SRGAP1: variants seen among roughly 807,000 people sequenced by gnomAD.
SRGAP1 encodes SLIT-ROBO Rho GTPase-activating protein 1.
A neutral mutation model predicts 121.9 loss-of-function variants in SRGAP1; 43 were observed. The observed-to-expected ratio is 0.35, with a 90% CI of 0.28 to 0.46. SRGAP1 has a LOEUF of 0.46. Ranked by LOEUF, SRGAP1 falls within the 20% of genes least tolerant of loss-of-function variation. The pLI, the probability that SRGAP1 is intolerant of heterozygous loss-of-function variation, is 1.00. For missense variants in SRGAP1, 1,102 were observed against 1,350.9 expected (o/e 0.82, Z 2.89); for synonymous variants, 447 against 485.4 (o/e 0.92, Z 1.04).
At chr12:64,138,410 G>T (rs1257179217) in intron 21 of SRGAP1, among the ~76,000 whole-genome samples, 10 of 138,658 alleles carry the variant, frequency 7.2e-5, no homozygotes, top group Non-Finnish European at 1.4e-4. Flanking sequence ...CAAATTTATT[G>T]TAACTTCCCC....
At chr12:64,051,541 A>G (rs1283499706) in intron 6 of SRGAP1, among the ~76,000 whole-genome samples, 1 of 152,192 alleles carries the variant, frequency 6.6e-6, no homozygotes. Flanking sequence ...CAGACTAATC[A>G]GTTTACATAT....
Position 64,143,191 on chromosome 12 carries a change from G to A in SRGAP1, c.*519G>A, listed in dbSNP as rs1330078003. ...GCAAAAGACTTGCAATTGTCTCCATGGGACGATCCCAGTGGGACTGTCAGC... is the reference window on the plus strand; with the variant it reads ...GCAAAAGACTTGCAATTGTCTCCATAGGACGATCCCAGTGGGACTGTCAGC... On this transcript the variant is annotated 3_prime_UTR_variant, in exon 22 of 22. Transcript: ENST00000355086. 6.4e-6 allele frequency: 1 copy of A among 157,332 alleles called. No homozygotes were observed. Among genetic ancestry groups the A allele is most frequent in the Non-Finnish European group, 1.4e-5 (1 of 70,874 alleles). The allele number at this position is 157,332 out of a possible 1,614,324, so 9.7% of individuals were successfully genotyped here. A position where few individuals can be genotyped will look rare whatever the true frequency, so the allele number is the denominator to read the frequency against.
chr12:64,046,656 G>C (rs1396720373), intron 6 of SRGAP1, among the ~76,000 whole-genome samples: 1 of 152,152 alleles, frequency 6.6e-6, no homozygotes, highest in East Asian at 1.9e-4. Flanking sequence ...CCCCAGGGGA[G>C]AAGCAGGCTG....
intron 8 of SRGAP1, among the ~76,000 whole-genome samples, chr12:64,076,975 A>C (rs1565670087): frequency 6.6e-6 from 1 of 152,204 alleles, no homozygotes; most frequent in Non-Finnish European, 1.5e-5. Context: ...TAGAGTCAAT[A>C]TTTGAAAAGA....
At chr12:63,938,901 T>A (rs2031763025) in intron 1 of SRGAP1, among the ~76,000 whole-genome samples, 1 of 151,914 alleles carries the variant, frequency 6.6e-6, no homozygotes, top group African/African-American at 2.4e-5. Context: ...ATACCTGTAA[T>A]CACAGCATTT....
chr12:64,050,629 A>T (rs1466713585), intron 6 of SRGAP1, among the ~76,000 whole-genome samples: 2 of 152,174 alleles, frequency 1.3e-5, no homozygotes, highest in Non-Finnish European at 2.9e-5. Flanking sequence ...TCCACAGCTG[A>T]TGTGTCTAGG....
intron 4 of SRGAP1, among the ~76,000 whole-genome samples, chr12:64,030,306 A>T (rs1365417111): frequency 6.6e-6 from 1 of 152,230 alleles, no homozygotes; most frequent in Non-Finnish European, 1.5e-5. Flanking sequence ...GTTGATCAAG[A>T]GTTCCTTAGA....
At chr12:63,858,992 T>A (rs1261979733) in intron 1 of SRGAP1, among the ~76,000 whole-genome samples, 1 of 152,106 alleles carries the variant, frequency 6.6e-6, no homozygotes, top group African/African-American at 2.4e-5. Context: ...CGTGAGCCAC[T>A]GTGCCTGGCC....
intron 4 of SRGAP1, among the ~76,000 whole-genome samples, chr12:64,026,591 G>T (rs76060659): frequency 0.04 from 6,018 of 152,162 alleles, 408 homozygotes; most frequent in African/African-American, 0.14. Context: ...TAAGAACCAG[G>T]CGCAGTGGCT....
At chr12:64,092,469 TATACATAC>T (rs200490527) in intron 12 of SRGAP1, among the ~76,000 whole-genome samples, 1,663 of 128,226 alleles carry the variant, frequency 0.013, 61 homozygotes, top group Admixed American at 0.075. Flanking sequence ...TACATACATA[TATACATAC>T]ATACATACAT....
At chr12:64,125,881 C>G (rs1257618090) in intron 18 of SRGAP1, 96 bp from the exon 19 acceptor site, 2 of 1,278,546 alleles carry the variant, frequency 1.6e-6, no homozygotes, top group Non-Finnish European at 2.2e-6. Flanking sequence ...TTAAAATGGT[C>G]TTGATCATTT....
intron 4 of SRGAP1, among the ~76,000 whole-genome samples, chr12:64,017,448 A>G (rs960468829): frequency 1.3e-5 from 2 of 152,080 alleles, no homozygotes; most frequent in Non-Finnish European, 2.9e-5. Flanking sequence ...TGAGGTCAGG[A>G]GTTTGAGACC....
intron 1 of SRGAP1, among the ~76,000 whole-genome samples, chr12:63,914,466 C>T (rs961673218): frequency 6.6e-6 from 1 of 152,164 alleles, no homozygotes; most frequent in Non-Finnish European, 1.5e-5. Flanking sequence ...TGATGTCTCC[C>T]TATATCTACT....
At chr12:63,971,042 T>A (rs2136392053) in intron 1 of SRGAP1, among the ~76,000 whole-genome samples, 1 of 152,306 alleles carries the variant, frequency 6.6e-6, no homozygotes, top group South Asian at 2.1e-4. Flanking sequence ...ACTGCCATGC[T>A]TCTAACACCC....
intron 4 of SRGAP1, among the ~76,000 whole-genome samples, chr12:64,023,007 T>A: frequency 6.6e-6 from 1 of 152,034 alleles, no homozygotes; most frequent in East Asian, 1.9e-4. Context: ...ACACGGTAAA[T>A]GTTTAAAAAA....
Position 64,148,686 on chromosome 12 carries a change from A to G in SRGAP1, c.*6014A>G, listed in dbSNP as rs957463140. 6.6e-6 allele frequency: 1 copy of G among 152,236 alleles called. No homozygotes were observed. Among genetic ancestry groups the G allele is most frequent in the Non-Finnish European group, 1.5e-5 (1 of 68,036 alleles). 9.4% of individuals were successfully genotyped at this position (152,236 alleles called of 1,614,324 possible). On this transcript the variant is annotated 3_prime_UTR_variant, in exon 22 of 22. Coordinates refer to ENST00000355086, the MANE Select transcript of SRGAP1 (RefSeq NM_020762.4). Reference sequence around the variant, plus strand: ...GTAAGTTGTGCAAGATTGAATATTGATAAGATATAAAGTTTAAAAAATGAC... The same window carrying G: ...GTAAGTTGTGCAAGATTGAATATTGGTAAGATATAAAGTTTAAAAAATGAC...
At chr12:64,080,535 C>T (rs1301548735) in intron 10 of SRGAP1, 165 bp downstream of exon 10, 2 of 711,942 alleles carry the variant, frequency 2.8e-6, no homozygotes, top group South Asian at 3.0e-5. Flanking sequence ...TCTCCTGGCA[C>T]GATTTTCTTC....
Position 64,145,668 on chromosome 12 carries a change from T to G in SRGAP1, c.*2996T>G, listed in dbSNP as rs2037040943. ...ATTAAATGTCTTCAGATTCCAGAGATAAGACAAGGTGGCCACTTCACAAAG... is the reference window on the plus strand; with the variant it reads ...ATTAAATGTCTTCAGATTCCAGAGAGAAGACAAGGTGGCCACTTCACAAAG... On this transcript the variant is annotated 3_prime_UTR_variant, in exon 22 of 22. Coordinates refer to ENST00000355086, the MANE Select transcript of SRGAP1 (RefSeq NM_020762.4). 1 of 152,034 alleles carries G rather than the reference T, an allele frequency of 6.6e-6. No homozygotes were observed. Among genetic ancestry groups the G allele is most frequent in the Non-Finnish European group, 1.5e-5 (1 of 68,050 alleles). 9.4% of individuals were successfully genotyped at this position (152,034 alleles called of 1,614,324 possible).
chr12:63,884,948 C>T (rs1254905234), intron 1 of SRGAP1, among the ~76,000 whole-genome samples: 1 of 152,108 alleles, frequency 6.6e-6, no homozygotes, highest in East Asian at 1.9e-4. Context: ...CCTCGATCTC[C>T]TGACCTCGTG....
Sources: gnomAD v4.1 joint callset for allele counts (sites outside exome capture counted in the v4.1 genomes callset) on GRCh38, gnomAD v4.1.1 for gene constraint, MANE v1.5 for transcripts, NCBI Gene and HGNC (gene_info 2026-07-23, HGNC 2026-07-21) for gene names.